DNAAF11: variants seen among roughly 807,000 people sequenced by gnomAD.
DNAAF11 encodes leucine rich repeat containing 6.
In DNAAF11, 45 loss-of-function variants were observed where a neutral mutation model predicts 60.8. The ratio of observed to expected loss-of-function variants is 0.74; its 90% confidence interval spans 0.58 to 0.95. The LOEUF is 0.95. Among genes scored for constraint, DNAAF11 ranks in the 40% least tolerant of loss-of-function variants. DNAAF11 has a pLI of 0.00. For synonymous variants in DNAAF11, 191 were observed against 183.5 expected, an observed-to-expected ratio of 1.04 and a Z score of -0.33; for missense variants, 546 against 546.2, an observed-to-expected ratio of 1.00 and a Z score of 0.00.
In DNAAF11 at chr8:132,583,775, C is replaced by T. The variant is rs146676630; in HGVS notation, c.1145G>A (p.Gly382Glu). ...TCGCTGACCACCTGTGATTACTTCT[C>T]CTACCTAAAATAAAAATGAAACACA... ...GHLVICMPKV[G>E]EVITGGQRAF... Residue 382 changes from glycine to glutamate, a missense_variant, in exon 11 of 12, where the codon GGA (glycine) becomes GAA (glutamate). Physicochemically the swap from Gly to Glu is moderately conservative, Grantham distance 98. Coordinates refer to ENST00000620350, the MANE Select transcript of DNAAF11 (RefSeq NM_012472.6). 5.0e-6 allele frequency: 8 copies of T among 1,611,418 alleles called. No individual in the cohort carries two copies. The highest frequency in any genetic ancestry group is 1.1e-5 in the South Asian group (1 of 91,020).
intron 10 of DNAAF11, among the ~76,000 whole-genome samples, chr8:132,584,445 C>T (rs1815667524): frequency 6.6e-6 from 1 of 152,164 alleles, no homozygotes; most frequent in African/African-American, 2.4e-5. Flanking sequence ...GAACCTGCTG[C>T]TACTTGTCAG....
chr8:132,600,070 CAA>C lies in DNAAF11; in HGVS notation c.1140+10094_1140+10095del, dbSNP rs771472208. ...TCCTTAAGCTGATAAGCAACTTCAG[CAA>C]AGTCTCAGGATACAAAATCAATGTG... On this transcript the variant is annotated intron_variant, in intron 10 of 11. Transcript: ENST00000620350. Among the ~76,000 whole-genome samples, 232 of 152,338 alleles carry C rather than the reference CAA, an allele frequency of 1.5e-3. 1 individual carries two copies. The highest frequency in any genetic ancestry group is 1.5e-3 in the Non-Finnish European group (100 of 68,036).
chr8:132,577,197 G>A (rs570089826), intron 11 of DNAAF11, among the ~76,000 whole-genome samples: 18 of 152,168 alleles, frequency 1.2e-4, no homozygotes, highest in Admixed American at 2.6e-4. Context: ...CTTATGGGGG[G>A]TGCCAGTATA....
At chr8:132,673,035 A>G (rs1162895457) in intron 1 of DNAAF11, among the ~76,000 whole-genome samples, 1 of 152,216 alleles carries the variant, frequency 6.6e-6, no homozygotes, top group African/African-American at 2.4e-5. Context: ...AGATGTTAGC[A>G]AGAGGCAGAA....
At chr8:132,588,589 A>G (rs920206824) in intron 10 of DNAAF11, among the ~76,000 whole-genome samples, 1 of 152,240 alleles carries the variant, frequency 6.6e-6, no homozygotes, top group Admixed American at 6.5e-5. Context: ...GAAAAAAAGT[A>G]GAATTGCTAG....
intron 10 of DNAAF11, among the ~76,000 whole-genome samples, chr8:132,588,225 A>G (rs16904710): frequency 0.026 from 4,027 of 152,320 alleles, 192 homozygotes; most frequent in African/African-American, 0.092. Flanking sequence ...TTCAGATGAA[A>G]ACATGCTACT....
chr8:132,681,511 AAGTTG>A, the DNAAF11 span, among the ~76,000 whole-genome samples: 2 of 152,090 alleles, frequency 1.3e-5, no homozygotes, highest in African/African-American at 4.8e-5. Context: ...AGCATTACTT[AAGTTG>A]ATCTACTGCA....
intron 10 of DNAAF11, among the ~76,000 whole-genome samples, chr8:132,603,131 C>T (rs1452950417): frequency 1.3e-5 from 2 of 152,168 alleles, no homozygotes; most frequent in Non-Finnish European, 2.9e-5. Flanking sequence ...TGGCTATTCA[C>T]TATCTTGGTA....
intron 7 of DNAAF11, among the ~76,000 whole-genome samples, chr8:132,618,890 C>A (rs914304642): frequency 6.6e-6 from 1 of 151,990 alleles, no homozygotes; most frequent in Non-Finnish European, 1.5e-5. Flanking sequence ...GTCAGTGTGG[C>A]GATTCCTCAG....
intron 1 of DNAAF11, among the ~76,000 whole-genome samples, chr8:132,663,509 C>T (rs1384668867): frequency 1.3e-5 from 2 of 152,192 alleles, no homozygotes; most frequent in Non-Finnish European, 2.9e-5. Context: ...GATTGCACAA[C>T]CTTGTTATCT....
chr8:132,593,031 G>C (rs1394559089), intron 10 of DNAAF11, among the ~76,000 whole-genome samples: 1 of 151,770 alleles, frequency 6.6e-6, no homozygotes, highest in Non-Finnish European at 1.5e-5. Flanking sequence ...AGAATGAGGA[G>C]AGTTCAGTAA....
chr8:132,621,192 T>C (rs1819724507), intron 7 of DNAAF11, among the ~76,000 whole-genome samples: 2 of 151,988 alleles, frequency 1.3e-5, no homozygotes, highest in African/African-American at 4.8e-5. Flanking sequence ...CTGTGGTGTA[T>C]GTGGTGAGGA....
rs138126108 is a variant in DNAAF11 at position 132,590,964 on chromosome 8, TTA to T, written c.1141-7187_1141-7186del. ...GTTAATAATTGTATAACACTCCATTTTATGTGTGCACTATCATTTAATGGACT... is the reference window on the plus strand; with the variant it reads ...GTTAATAATTGTATAACACTCCATTTTGTGTGCACTATCATTTAATGGACT... On this transcript the variant is annotated intron_variant, in intron 10 of 11. Coordinates refer to ENST00000620350, the MANE Select transcript of DNAAF11 (RefSeq NM_012472.6). 7.2e-5 allele frequency among the ~76,000 whole-genome samples: 11 copies of T among 152,346 alleles called. No individual in the cohort carries two copies. The East Asian group carries it at 2.1e-3, about 29-fold the overall frequency.
At chr8:132,674,073 G>C (rs1311552137) in intron 1 of DNAAF11, among the ~76,000 whole-genome samples, 1 of 147,680 alleles carries the variant, frequency 6.8e-6, no homozygotes, top group Non-Finnish European at 1.5e-5. Context: ...GGAGCAGGAG[G>C]AGGAGGAGCA....
At position 132,619,459 on chromosome 8, in the gene DNAAF11, T is replaced by TAA. The variant is rs60661885; in HGVS notation, c.914+3150_914+3151dup. On this transcript the variant is annotated intron_variant, in intron 7 of 11. Transcript: ENST00000620350. ...AACTTAAAGTATAATAATAATAAAT[T>TAA]AAAAAAAAAGAAGGATGGTACTGAA... Among the ~76,000 whole-genome samples, 17 of 150,854 alleles carry TAA rather than the reference T, an allele frequency of 1.1e-4. No individual in the cohort carries two copies. In the South Asian group the frequency reaches 2.5e-3, roughly 22 times the overall value.
At chr8:132,685,837 A>G in the DNAAF11 span, among the ~76,000 whole-genome samples, 1 of 152,190 alleles carries the variant, frequency 6.6e-6, no homozygotes, top group Non-Finnish European at 1.5e-5. Context: ...GTGTTTCAAG[A>G]ACATGGTGTA....
At chr8:132,601,692 T>C (rs2087315369) in intron 10 of DNAAF11, among the ~76,000 whole-genome samples, 1 of 152,000 alleles carries the variant, frequency 6.6e-6, no homozygotes, top group South Asian at 2.1e-4. Context: ...AAACACCGCA[T>C]GTTCTCACTC....
At chr8:132,617,336 A>G (rs1165467690) in intron 7 of DNAAF11, among the ~76,000 whole-genome samples, 1 of 152,184 alleles carries the variant, frequency 6.6e-6, no homozygotes, top group Non-Finnish European at 1.5e-5. Flanking sequence ...TAGGAAGATG[A>G]GCAGTCAGTA....
chr8:132,578,641 A>G (rs2130975422), intron 11 of DNAAF11: 1 of 607,948 alleles, frequency 1.6e-6, no homozygotes, highest in Non-Finnish European at 2.7e-6. Context: ...AACATAAAGA[A>G]AGAACTTTTT....
Sources: gnomAD v4.1 joint callset for allele counts (sites outside exome capture counted in the v4.1 genomes callset) on GRCh38, gnomAD v4.1.1 for gene constraint, MANE v1.5 for transcripts, NCBI Gene and HGNC (gene_info 2026-07-23, HGNC 2026-07-21) for gene names.